GLDC: variants seen among roughly 807,000 people sequenced by gnomAD.
The protein encoded by GLDC is glycine dehydrogenase (decarboxylating), mitochondrial.
GLDC carries 104 observed loss-of-function variants against 121.3 expected under a neutral mutation model. The observed-to-expected ratio is 0.86, with a 90% CI of 0.73 to 1.01. GLDC has a LOEUF of 1.01. Among genes scored for constraint, GLDC ranks in the 50% least tolerant of loss-of-function variants. The pLI, the probability that GLDC is intolerant of heterozygous loss-of-function variation, is 0.00. For missense variants in GLDC, 1,429 were observed against 1,306.6 expected, an observed-to-expected ratio of 1.09 and a Z score of -1.44; for synonymous variants, 546 against 480.6, an observed-to-expected ratio of 1.14 and a Z score of -1.78.
At chr9:6,612,434 G>A (rs535923130) in intron 3 of GLDC, among the ~76,000 whole-genome samples, 18 of 152,222 alleles carry the variant, frequency 1.2e-4, no homozygotes, top group African/African-American at 4.3e-4. Flanking sequence ...GAAAAGTAAT[G>A]AAAGAAAAGT....
At chr9:6,643,868 T>C (rs985830178) in intron 2 of GLDC, among the ~76,000 whole-genome samples, 7 of 151,078 alleles carry the variant, frequency 4.6e-5, no homozygotes, top group African/African-American at 1.7e-4. Flanking sequence ...ACCCTGTCTC[T>C]AATAAAAATA....
At position 6,644,658 on chromosome 9, in the gene GLDC, G is replaced by T. The variant is rs917975796; in HGVS notation, c.290C>A (p.Ala97Asp). 1 of 1,613,350 alleles carries T rather than the reference G, an allele frequency of 6.2e-7. No individual in the cohort carries two copies. The highest frequency in any genetic ancestry group is 8.5e-7 in the Non-Finnish European group (1 of 1,179,476). Residue 97 changes from alanine to aspartate, a missense_variant, in exon 2 of 25, where the codon GCC becomes GAC. Physicochemically the swap from Ala to Asp is moderately radical, Grantham distance 126. Transcript: ENST00000321612. ...IDELIEKTVP[A>D]NIRLKRPLKM... ...CAAGGGTCTTTTCAAACGGATGTTGGCAGGGACCGTCTTCTCGATCAATTC... is the reference window on the plus strand; with the variant it reads ...CAAGGGTCTTTTCAAACGGATGTTGTCAGGGACCGTCTTCTCGATCAATTC...
intron 20 of GLDC, among the ~76,000 whole-genome samples, chr9:6,552,016 C>A (rs924070459): frequency 6.6e-6 from 1 of 152,050 alleles, no homozygotes; most frequent in Non-Finnish European, 1.5e-5. Context: ...GAAAGAATCC[C>A]CTAAGGATTT....
intron 21 of GLDC, among the ~76,000 whole-genome samples, chr9:6,544,970 A>G (rs1490827595): frequency 2.0e-5 from 3 of 152,006 alleles, no homozygotes; most frequent in Non-Finnish European, 2.9e-5. Context: ...ATGGTGGTGC[A>G]TGCCTGTAAT....
At chr9:6,612,563 C>G (rs114488002) in intron 3 of GLDC, among the ~76,000 whole-genome samples, 1,974 of 151,738 alleles carry the variant, frequency 0.013, 32 homozygotes, top group African/African-American at 0.045. Flanking sequence ...GAGACCTCAC[C>G]TCTACAAAAA....
intron 21 of GLDC, 40 bp downstream of exon 21, chr9:6,550,763 A>G (rs776307635): frequency 5.7e-6 from 8 of 1,407,448 alleles, no homozygotes; most frequent in Non-Finnish European, 7.1e-6. Context: ...TTTGGCCAAG[A>G]AAAAAACCAA....
chr9:6,592,924 C>T lies in GLDC; in HGVS notation c.1328G>A (p.Gly443Asp), dbSNP rs769583276. The change falls in exon 10 of 25, where the codon GGC (glycine) becomes GAC (aspartate). Residue 443 changes from glycine to aspartate, a missense_variant. Coordinates refer to ENST00000321612, the MANE Select transcript of GLDC (RefSeq NM_000170.3). ...GCCCAAGACCTCCTTCACTGAGCAGCCACACTGAATCTTCAAGGTATCAAA... is the reference window on the plus strand; with the variant it reads ...GCCCAAGACCTCCTTCACTGAGCAGTCACACTGAATCTTCAAGGTATCAAA... ...LFFDTLKIQC[G>D]CSVKEVLGRA... 4.0e-5 allele frequency: 64 copies of T among 1,613,996 alleles called. No individual in the cohort carries two copies. Among genetic ancestry groups the T allele is most frequent in the Non-Finnish European group, 5.4e-5 (64 of 1,179,828 alleles).
intron 16 of GLDC, among the ~76,000 whole-genome samples, chr9:6,565,026 AG>A (rs1199368863): frequency 6.6e-6 from 1 of 152,206 alleles, no homozygotes; most frequent in African/African-American, 2.4e-5. Context: ...GCCGGGGCTG[AG>A]CCAAGGAGAG....
At chr9:6,612,654 G>C (rs1243788306) in intron 3 of GLDC, among the ~76,000 whole-genome samples, 1 of 152,128 alleles carries the variant, frequency 6.6e-6, no homozygotes, top group East Asian at 1.9e-4. Flanking sequence ...ACGAGGTCAG[G>C]AGTTCGAGAC....
At chr9:6,626,129 A>G (rs1819232468) in intron 2 of GLDC, among the ~76,000 whole-genome samples, 1 of 150,580 alleles carries the variant, frequency 6.6e-6, no homozygotes, top group South Asian at 2.1e-4. Context: ...TCTCTTTACT[A>G]TGGTTTATTT....
In GLDC at chr9:6,540,102, T is replaced by A. The variant is rs1430968530; in HGVS notation, c.2614A>T (p.Lys872Ter). Residue 872 changes from lysine (K) to a stop codon, truncating the protein, a stop_gained, in exon 22 of 25, where the codon AAG becomes TAG. Transcript: ENST00000321612. LOFTEE classifies it high-confidence loss of function. ...EFILDTRPFK[K>*]SANIEAVDVA... is the part of the protein sequence containing the mutation. ...TCCACAGCCTCAATATTTGCAGACT[T>A]TTTGAAGGGTCTCGTGTCCAAAATA... is the stretch of plus-strand genomic sequence containing the variant. The A allele has an allele frequency of 1.9e-6, 3 of 1,613,456 alleles. No individual in the cohort carries two copies. The highest frequency in any genetic ancestry group is 2.5e-6 in the Non-Finnish European group (3 of 1,179,512).
chr9:6,593,475 A>G (rs780976709), intron 9 of GLDC, among the ~76,000 whole-genome samples: 1 of 151,278 alleles, frequency 6.6e-6, no homozygotes, highest in Admixed American at 6.6e-5. Flanking sequence ...ATAATTTTTT[A>G]AATTTTTTGA....
intron 21 of GLDC, among the ~76,000 whole-genome samples, chr9:6,547,492 G>C (rs1355318064): frequency 6.6e-6 from 1 of 152,160 alleles, no homozygotes; most frequent in Non-Finnish European, 1.5e-5. Flanking sequence ...GCCCCTGTGT[G>C]ATGGCCACTC....
Position 6,594,433 on chromosome 9 carries a change from C to T in GLDC, c.1261+581G>A, listed in dbSNP as rs953927878. On this transcript the variant is annotated intron_variant, in intron 9 of 24. Transcript: ENST00000321612. ...AGTCTAAGCCAGGCATGGTGGCTCACGCCTGTAATCCCAGCACTTTGAGAG... is the reference window on the plus strand; with the variant it reads ...AGTCTAAGCCAGGCATGGTGGCTCATGCCTGTAATCCCAGCACTTTGAGAG... 3.9e-5 allele frequency among the ~76,000 whole-genome samples: 6 copies of T among 152,022 alleles called. No homozygotes were observed. The East Asian group carries it at 5.8e-4, about 15-fold the overall frequency.
chr9:6,607,836 A>C (rs1818766820), intron 4 of GLDC, among the ~76,000 whole-genome samples: 1 of 151,782 alleles, frequency 6.6e-6, no homozygotes, highest in South Asian at 2.1e-4. Flanking sequence ...TAAAAAAATA[A>C]AATTGGCCGG....
chr9:6,534,463 T>C (rs954647673), intron 24 of GLDC, among the ~76,000 whole-genome samples: 1 of 152,204 alleles, frequency 6.6e-6, no homozygotes, highest in African/African-American at 2.4e-5. Context: ...ATTGGTCCAC[T>C]GGGCAGGACT....
intron 2 of GLDC, among the ~76,000 whole-genome samples, chr9:6,644,337 G>C (rs1030887764): frequency 6.6e-6 from 1 of 151,960 alleles, no homozygotes; most frequent in Non-Finnish European, 1.5e-5. Context: ...CTGGGAAGTG[G>C]GGAATCTGCT....
intron 16 of GLDC, among the ~76,000 whole-genome samples, chr9:6,564,781 C>T (rs1817822148): frequency 6.6e-6 from 1 of 152,218 alleles, no homozygotes; most frequent in African/African-American, 2.4e-5. Context: ...CAGTGGTCCC[C>T]AAGAGGCGAT....
chr9:6,537,012 A>G (rs918749695), intron 22 of GLDC, among the ~76,000 whole-genome samples: 5 of 151,264 alleles, frequency 3.3e-5, no homozygotes, highest in African/African-American at 1.2e-4. Flanking sequence ...TTCATTTCTT[A>G]TAATTTTTCT....
Sources: allele counts gnomAD v4.1 joint callset (sites outside exome capture counted in the v4.1 genomes callset), GRCh38; gene constraint gnomAD v4.1.1; transcripts MANE v1.5; gene names NCBI Gene and HGNC (gene_info 2026-07-23, HGNC 2026-07-21).